C10orf143: variants seen among roughly 807,000 people sequenced by gnomAD.
C10orf143 encodes the protein uncharacterized protein C10orf143.
chr10:130,059,535 A>G (rs1006537476), downstream of C10orf143, among the ~76,000 whole-genome samples: 2 of 152,214 alleles, frequency 1.3e-5, no homozygotes, highest in Non-Finnish European at 2.9e-5. Context: ...GCAAATTAAA[A>G]CTGCAACTAG....
chr10:130,101,976 C>A (rs1309265164), intron 1 of C10orf143, among the ~76,000 whole-genome samples: 1 of 142,326 alleles, frequency 7.0e-6, no homozygotes, highest in African/African-American at 2.6e-5. Flanking sequence ...AGGCAGAAAA[C>A]AAAATTGAGG....
At chr10:130,057,877 T>G (rs938347486) in intron 3 of C10orf143, among the ~76,000 whole-genome samples, 5 of 152,186 alleles carry the variant, frequency 3.3e-5, no homozygotes, top group African/African-American at 1.2e-4. Context: ...ATAAGGAAAC[T>G]GAGTAAGTGG....
intron 3 of C10orf143, among the ~76,000 whole-genome samples, chr10:130,070,493 G>A (rs901254904): frequency 5.3e-5 from 8 of 152,094 alleles, no homozygotes; most frequent in African/African-American, 1.7e-4. Context: ...AGCTCTACAC[G>A]TTTCTCTGCC....
At chr10:130,060,590 A>G (rs2094155), downstream of C10orf143, among the ~76,000 whole-genome samples, 1,055 of 152,154 alleles carry the variant, frequency 6.9e-3, 8 homozygotes, top group Non-Finnish European at 5.3e-3. Context: ...TTGGGAGGCC[A>G]AGGCGGATGG....
chr10:130,040,197 C>A (rs1188932831), intron 3 of C10orf143, among the ~76,000 whole-genome samples: 1 of 152,144 alleles, frequency 6.6e-6, no homozygotes, highest in African/African-American at 2.4e-5. Flanking sequence ...GGATCCATGC[C>A]CCCAGCCCCC....
intron 3 of C10orf143, among the ~76,000 whole-genome samples, chr10:130,078,124 AG>A (rs1199308999): frequency 6.6e-6 from 1 of 152,250 alleles, no homozygotes; most frequent in Non-Finnish European, 1.5e-5. Flanking sequence ...TTACAAAGAA[AG>A]GAAAAACCCT....
intron 1 of C10orf143, among the ~76,000 whole-genome samples, chr10:130,110,449 TGTGGGTCA>T (rs948195265): frequency 1.4e-4 from 22 of 152,304 alleles, no homozygotes; most frequent in African/African-American, 5.1e-4. Context: ...CCAGTGAGCG[TGTGGGTCA>T]GGAAGGTGCC....
At chr10:130,079,680 T>C in intron 2 of C10orf143, 52 bp from the exon 3 acceptor site, 1 of 398,924 alleles carries the variant, frequency 2.5e-6, no homozygotes, top group South Asian at 1.3e-4. Flanking sequence ...TTATTTACAC[T>C]TTCTATTAAA....
At position 130,044,377 on chromosome 10, in the gene C10orf143, G is replaced by A. The variant is rs978649006; in HGVS notation, c.298-8407C>T. ...AGAGGTCTTGGCTGCACCCCATGAC[G>A]CCTCCTCCAGCCCAGCCCAGCCTGG... On this transcript the variant is annotated intron_variant and NMD_transcript_variant, in intron 3 of 5. Coordinates refer to the C10orf143 transcript ENST00000643056. 3.3e-5 allele frequency among the ~76,000 whole-genome samples: 5 copies of A among 152,108 alleles called. No homozygotes were observed. In the South Asian group the frequency reaches 1.0e-3, roughly 32 times the overall value.
At chr10:130,055,714 G>T (rs946244700) in intron 3 of C10orf143, among the ~76,000 whole-genome samples, 2 of 152,112 alleles carry the variant, frequency 1.3e-5, no homozygotes, top group African/African-American at 4.8e-5. Context: ...AGGAGGCCGA[G>T]GCAGGCAGAT....
At chr10:130,041,175 A>G (rs1164230213) in intron 3 of C10orf143, among the ~76,000 whole-genome samples, 1 of 152,266 alleles carries the variant, frequency 6.6e-6, no homozygotes, top group Non-Finnish European at 1.5e-5. Flanking sequence ...TGTGTTTGAG[A>G]TAAAATGCAA....
At chr10:130,084,111 C>T (rs772501231) in intron 1 of C10orf143, among the ~76,000 whole-genome samples, 6 of 152,030 alleles carry the variant, frequency 3.9e-5, no homozygotes, top group Admixed American at 6.6e-5. Context: ...GAATTTGAGA[C>T]TAGCCTGGCC....
chr10:130,110,669 C>T (rs933203003), intron 1 of C10orf143, 35 bp downstream of exon 1: 2 of 398,582 alleles, frequency 5.0e-6, no homozygotes, highest in Non-Finnish European at 8.8e-6. Context: ...GCCATCCGCC[C>T]TCCCGTCCCT....
At chr10:130,038,238 G>A (rs1457837262) in intron 3 of C10orf143, among the ~76,000 whole-genome samples, 2 of 152,214 alleles carry the variant, frequency 1.3e-5, no homozygotes, top group African/African-American at 2.4e-5. Context: ...CTGAGAGAGA[G>A]GGCCAGCCGC....
intron 3 of C10orf143, chr10:130,066,803 G>A (rs1205286737): frequency 6.6e-6 from 1 of 152,122 alleles, no homozygotes; most frequent in African/African-American, 2.4e-5. Flanking sequence ...CAAGTCATCA[G>A]ACTCTGGGAC....
chr10:130,084,093 A>G (rs1404856174), intron 1 of C10orf143, among the ~76,000 whole-genome samples: 3 of 152,048 alleles, frequency 2.0e-5, no homozygotes, highest in Non-Finnish European at 4.4e-5. Flanking sequence ...GGCAGATCAC[A>G]AGGTCAGGAA....
chr10:130,055,011 G>C (rs1434604402), intron 3 of C10orf143, among the ~76,000 whole-genome samples: 1 of 151,952 alleles, frequency 6.6e-6, no homozygotes, highest in Non-Finnish European at 1.5e-5. Context: ...AAATACAAAA[G>C]AATGAAATTG....
intron 1 of C10orf143, among the ~76,000 whole-genome samples, chr10:130,102,451 C>A (rs1255963359): frequency 6.6e-6 from 1 of 151,920 alleles, no homozygotes; most frequent in Non-Finnish European, 1.5e-5. Flanking sequence ...TTTTTGTATT[C>A]TTAGTAGAGA....
intron 1 of C10orf143, chr10:130,105,908 T>TC (rs1022701003): frequency 6.0e-5 from 22 of 366,756 alleles, no homozygotes; most frequent in African/African-American, 1.9e-4. Context: ...ATCCCCCAGC[T>TC]CCCCCCCGCA....
Sources: gnomAD v4.1 joint callset for allele counts (sites outside exome capture counted in the v4.1 genomes callset) on GRCh38, gnomAD v4.1.1 for gene constraint, MANE v1.5 for transcripts, NCBI Gene and HGNC (gene_info 2026-07-23, HGNC 2026-07-21) for gene names.